Variants in NOS1 observed in about 807,000 individuals in gnomAD.
The protein encoded by NOS1 is NOS type I.
Under a neutral mutation model 164.5 loss-of-function variants are expected in NOS1, and 51 were observed. The observed-to-expected ratio is 0.31, with a 90% CI of 0.25 to 0.39. NOS1 has a LOEUF of 0.39. Ranked by LOEUF, NOS1 falls within the 10% of genes least tolerant of loss-of-function variation. The pLI, the probability that NOS1 is intolerant of heterozygous loss-of-function variation, is 1.00. For synonymous variants in NOS1, 719 were observed against 745.8 expected (o/e 0.96, Z 0.59); for missense variants, 1,362 against 1,885.6 (o/e 0.72, Z 5.14).
At chr12:117,263,784 T>C (rs1012340098) in intron 13 of NOS1, 105 bp downstream of exon 13, 7 of 804,642 alleles carry the variant, frequency 8.7e-6, no homozygotes, top group African/African-American at 1.7e-5. Flanking sequence ...AGAAATCATA[T>C]TCTGTAGAGA....
intron 15 of NOS1, 26 bp from the exon 16 acceptor site, chr12:117,258,481 A>T: frequency 6.2e-7 from 1 of 1,612,264 alleles, no homozygotes; most frequent in Non-Finnish European, 8.5e-7. Context: ...TATGGGTGAA[A>T]TTAGCACATC....
chr12:117,278,204 C>A, intron 8 of NOS1, 106 bp from the exon 9 acceptor site: 1 of 1,288,328 alleles, frequency 7.8e-7, no homozygotes, highest in Non-Finnish European at 1.0e-6. Flanking sequence ...AATGCAAGCC[C>A]CCAGGAGACA....
In NOS1 at chr12:117,208,169, A is replaced by G; in HGVS notation, c.*7140T>C. On this transcript the variant is annotated 3_prime_UTR_variant, in exon 29 of 29. Coordinates refer to ENST00000317775, the MANE Select transcript of NOS1 (RefSeq NM_000620.5). ...GAATCCACTTTTTAATATTGTAACC[A>G]TAATGCAAACAAGCATAATAGGCTT... The G allele has an allele frequency of 2.3e-6, 2 of 853,432 alleles. No individual in the cohort carries two copies. The highest frequency in any genetic ancestry group is 3.2e-6 in the Non-Finnish European group (2 of 628,518). The allele number at this position is 853,432 out of a possible 1,614,324, so 52.9% of individuals were successfully genotyped here.
In NOS1 at chr12:117,215,271, C is replaced by A; in HGVS notation, c.*38G>T. On this transcript the variant is annotated 3_prime_UTR_variant, in exon 29 of 29. Transcript: ENST00000317775. ...AAAGGTTCAGCAGTGTCTGTCCGCGCTTACAAAACTTGCAGCCGGCTGGGC... is the reference window on the plus strand; with the variant it reads ...AAAGGTTCAGCAGTGTCTGTCCGCGATTACAAAACTTGCAGCCGGCTGGGC... 1 of 1,536,396 alleles carries A rather than the reference C, an allele frequency of 6.5e-7. No homozygotes were observed. The highest frequency in any genetic ancestry group is 8.8e-7 in the Non-Finnish European group (1 of 1,140,502).
At chr12:117,287,020 G>C (rs1264240264) in intron 5 of NOS1, among the ~76,000 whole-genome samples, 1 of 152,190 alleles carries the variant, frequency 6.6e-6, no homozygotes, top group African/African-American at 2.4e-5. Flanking sequence ...TTTGAGACCA[G>C]CCTGGCCAAC....
intron 1 of NOS1, among the ~76,000 whole-genome samples, chr12:117,338,207 ACT>A (rs1372046054): frequency 6.6e-6 from 1 of 151,732 alleles, no homozygotes; most frequent in African/African-American, 2.4e-5. Context: ...ACAGAGTGAG[ACT>A]CTGTCTCAAA....
chr12:117,247,437 C>T lies in NOS1; in HGVS notation c.2734G>A (p.Gly912Arg), dbSNP rs1293951722. The change falls in exon 18 of 29, where the codon GGA becomes AGA. Residue 912 changes from glycine (G) to arginine (R), a missense_variant. By Grantham distance (125) the Gly-to-Arg change is moderately radical. Transcript: ENST00000317775. Reference sequence around the variant, plus strand: ...CTCATCTTCAGGATCCTCTCCCCTCCCAGTTCTTCCAGGAGGGTGTCCACA... The same window carrying T: ...CTCATCTTCAGGATCCTCTCCCCTCTCAGTTCTTCCAGGAGGGTGTCCACA... ...HAVDTLLEEL[G>R]GERILKMREG... 3 of 1,613,142 alleles carry T rather than the reference C, an allele frequency of 1.9e-6. No individual in the cohort carries two copies. Among genetic ancestry groups the T allele is most frequent in the Non-Finnish European group, 2.5e-6 (3 of 1,179,678 alleles).
intron 2 of NOS1, among the ~76,000 whole-genome samples, chr12:117,319,906 C>A (rs1874838709): frequency 6.6e-6 from 1 of 152,148 alleles, no homozygotes; most frequent in South Asian, 2.1e-4. Context: ...CTAGGAGAAA[C>A]CTTAAGGCTC....
intron 25 of NOS1, among the ~76,000 whole-genome samples, chr12:117,223,123 C>T (rs537174856): frequency 6.6e-6 from 1 of 152,280 alleles, no homozygotes; most frequent in Admixed American, 6.5e-5. Flanking sequence ...GTGGATCTCC[C>T]TCCCAGGTCT....
rs1874688219 is a variant in NOS1, at chr12:117,316,760, T to C, written c.726-5168A>G. Among the ~76,000 whole-genome samples the C allele has an allele frequency of 2.0e-5, 3 of 152,120 alleles. No individual in the cohort carries two copies. In the South Asian group the frequency reaches 6.2e-4, roughly 32 times the overall value. ...GTGGGGGGCCTCTGGGAGGGCAGCA[T>C]TTGGTTAGACCTCATATCTGAGAAG... is the stretch of plus-strand genomic sequence containing the variant. On this transcript the variant is annotated intron_variant, in intron 2 of 28. Transcript: ENST00000317775.
intron 4 of NOS1, among the ~76,000 whole-genome samples, chr12:117,289,821 G>C (rs141240009): frequency 6.6e-6 from 1 of 152,196 alleles, no homozygotes; most frequent in African/African-American, 2.4e-5. Flanking sequence ...GGCATACCCC[G>C]CAAGTCTGCT....
Position 117,288,225 on chromosome 12 carries a change from A to C in NOS1, c.982-6T>G. The C allele has an allele frequency of 6.2e-7, 1 of 1,609,816 alleles. No individual in the cohort carries two copies. ...TACTCAGTGCATCCCGTTTCCTGGA[A>C]GATCAAGAGATTTGGGGTATTGCTT... is the stretch of plus-strand genomic sequence containing the variant. On this transcript the variant is annotated splice_region_variant and splice_polypyrimidine_tract_variant and intron_variant, in intron 4 of 28. Transcript: ENST00000317775.
chr12:117,217,346 G>T (rs190847613), intron 28 of NOS1, among the ~76,000 whole-genome samples: 1 of 152,170 alleles, frequency 6.6e-6, no homozygotes, highest in East Asian at 1.9e-4. Flanking sequence ...AGAAACCCTT[G>T]CCCTAAATCT....
intron 15 of NOS1, among the ~76,000 whole-genome samples, 166 bp from the exon 16 acceptor site, chr12:117,258,621 C>G (rs539180745): frequency 6.6e-6 from 1 of 152,266 alleles, no homozygotes; most frequent in South Asian, 2.1e-4. Flanking sequence ...GCCTGGGCTA[C>G]AGACGCAGTG....
chr12:117,340,911 G>T (rs1470662100), intron 1 of NOS1, among the ~76,000 whole-genome samples: 1 of 122,056 alleles, frequency 8.2e-6, no homozygotes, highest in East Asian at 2.4e-4. Context: ...TTTTAGTAGA[G>T]ATGGGGTTTC....
chr12:117,273,945 C>A (rs1872975949), intron 9 of NOS1, among the ~76,000 whole-genome samples: 1 of 151,936 alleles, frequency 6.6e-6, no homozygotes, highest in African/African-American at 2.4e-5. Context: ...GCCCAGGCAA[C>A]AAAAGCAAAA....
Position 117,210,977 on chromosome 12 carries a change from A to G in NOS1, c.*4332T>C. On this transcript the variant is annotated 3_prime_UTR_variant, in exon 29 of 29. Coordinates refer to ENST00000317775, the MANE Select transcript of NOS1 (RefSeq NM_000620.5). ...TTTATTTTATTTTATTTTTTTTGAGATAAGAGTCTTGCTCTGTCACCCAGG... is the reference window on the plus strand; with the variant it reads ...TTTATTTTATTTTATTTTTTTTGAGGTAAGAGTCTTGCTCTGTCACCCAGG... 4.3e-6 allele frequency: 4 copies of G among 934,704 alleles called. No homozygotes were observed. The highest frequency in any genetic ancestry group is 5.1e-6 in the Non-Finnish European group (4 of 786,902). 57.9% of individuals were successfully genotyped at this position (934,704 alleles called of 1,614,324 possible).
intron 2 of NOS1, among the ~76,000 whole-genome samples, chr12:117,314,408 A>G (rs1474375490): frequency 6.6e-6 from 1 of 152,194 alleles, no homozygotes; most frequent in Non-Finnish European, 1.5e-5. Flanking sequence ...GAGGAGGTTA[A>G]TGCATTTGGA....
intron 28 of NOS1, 63 bp downstream of exon 28, chr12:117,217,983 G>T: frequency 8.4e-7 from 1 of 1,186,124 alleles, no homozygotes; most frequent in Non-Finnish European, 1.3e-6. Context: ...AGACATTCCT[G>T]CCCAGTGGGA....
Sources: gnomAD v4.1 joint callset for allele counts (sites outside exome capture counted in the v4.1 genomes callset) on GRCh38, gnomAD v4.1.1 for gene constraint, MANE v1.5 for transcripts, NCBI Gene and HGNC (gene_info 2026-07-23, HGNC 2026-07-21) for gene names.